Variants in DLC1 observed in about 807,000 individuals in gnomAD.
The protein encoded by DLC1 is DLC1 Rho GTPase activating protein.
In DLC1, 54 loss-of-function variants were observed where a neutral mutation model predicts 140.3. The observed-to-expected ratio is 0.38, with a 90% CI of 0.31 to 0.48. The LOEUF is 0.48. DLC1 is among the 20% of genes least tolerant of loss of function. DLC1 has a pLI of 0.96. For missense variants in DLC1, 2,536 were observed against 1,907.0 expected, an observed-to-expected ratio of 1.33 and a Z score of -6.14; for synonymous variants, 986 against 728.1, an observed-to-expected ratio of 1.35 and a Z score of -5.70.
chr8:13,171,959 G>T (rs759590038), intron 5 of DLC1, among the ~76,000 whole-genome samples: 12 of 152,090 alleles, frequency 7.9e-5, no homozygotes, highest in Non-Finnish European at 1.3e-4. Flanking sequence ...GCAGAGCAGA[G>T]CTCAGAATTA....
chr8:13,440,440 C>T (rs1055542692), intron 2 of DLC1, among the ~76,000 whole-genome samples: 3 of 152,134 alleles, frequency 2.0e-5, no homozygotes, highest in Non-Finnish European at 2.9e-5. Context: ...TCCCAGCTCT[C>T]CTTTATTAGC....
chr8:13,379,718 T>A (rs976084628), intron 4 of DLC1, among the ~76,000 whole-genome samples: 17 of 152,326 alleles, frequency 1.1e-4, no homozygotes, highest in African/African-American at 4.1e-4. Context: ...AAATGTGCCA[T>A]GGTGGTTTTC....
rs1454934936 is a variant in DLC1 at position 13,579,359 on chromosome 8, A to ATTTT, written c.-126+25177_-126+25178insAAAA. ...TATATATATATATATATATATATAT[A>ATTTT]TATTTTTATATAATACATATTTATA... On this transcript the variant is annotated intron_variant, in intron 1 of 1. Transcript: ENST00000631382. Among the ~76,000 whole-genome samples the ATTTT allele has an allele frequency of 2.2e-4, 6 of 27,180 alleles. 2 individuals carry two copies. Among genetic ancestry groups the ATTTT allele is most frequent in the African/African-American group, 5.5e-4 (3 of 5,440 alleles). 17.8% of individuals were successfully genotyped at this position (27,180 alleles called of 152,430 possible).
chr8:13,329,840 T>C (rs962648310), intron 4 of DLC1, among the ~76,000 whole-genome samples: 6 of 152,164 alleles, frequency 3.9e-5, no homozygotes. Flanking sequence ...AACTTTCATG[T>C]AGTAAGTAAT....
intron 5 of DLC1, among the ~76,000 whole-genome samples, chr8:13,152,561 T>A (rs1257670993): frequency 6.6e-6 from 1 of 152,128 alleles, no homozygotes; most frequent in Non-Finnish European, 1.5e-5. Context: ...TATAAGTTTT[T>A]AAAAATGAAT....
At chr8:13,474,801 A>G (rs1800369376) in intron 2 of DLC1, among the ~76,000 whole-genome samples, 1 of 152,144 alleles carries the variant, frequency 6.6e-6, no homozygotes, top group Non-Finnish European at 1.5e-5. Flanking sequence ...GTTTTGGCCA[A>G]TTTCTCCCAT....
intron 5 of DLC1, among the ~76,000 whole-genome samples, chr8:13,168,661 G>C (rs1825259279): frequency 6.6e-6 from 1 of 152,226 alleles, no homozygotes; most frequent in South Asian, 2.1e-4. Flanking sequence ...GTCCAGATAA[G>C]GCTCCTTTTG....
chr8:13,212,344 T>C (rs1187644933), intron 5 of DLC1, among the ~76,000 whole-genome samples: 1 of 151,904 alleles, frequency 6.6e-6, no homozygotes. Flanking sequence ...GGCACACTGC[T>C]TTTGTTTTGT....
chr8:13,332,643 G>A (rs1206549639), intron 4 of DLC1, among the ~76,000 whole-genome samples: 5 of 151,826 alleles, frequency 3.3e-5, no homozygotes, highest in African/African-American at 9.7e-5. Flanking sequence ...GGCCTGGCTT[G>A]GCTGATCTCG....
intron 2 of DLC1, among the ~76,000 whole-genome samples, chr8:13,490,535 C>T (rs1326010687): frequency 6.6e-6 from 1 of 152,100 alleles, no homozygotes; most frequent in Non-Finnish European, 1.5e-5. Flanking sequence ...AGGCAGGACT[C>T]TGTTACATAG....
At chr8:13,312,386 A>AAAAAAAAAAAATAATAATAAT (rs71207139) in intron 4 of DLC1, among the ~76,000 whole-genome samples, 4 of 81,704 alleles carry the variant, frequency 4.9e-5, no homozygotes, top group African/African-American at 1.3e-4. Context: ...AAAAAAAAAA[A>AAAAAAAAAAAATAATAATAAT]AATAATTTCT....
rs953932190 is a variant in DLC1 at position 13,157,445 on chromosome 8, G to T, written c.1349-41788C>A. On this transcript the variant is annotated intron_variant, in intron 5 of 17. Transcript: ENST00000276297. ...ATGCATAGCTTCAGAGGGGACAATTGGAATAAGCAGGTGAGGAACAAAAAA... is the reference window on the plus strand; with the variant it reads ...ATGCATAGCTTCAGAGGGGACAATTTGAATAAGCAGGTGAGGAACAAAAAA... Among the ~76,000 whole-genome samples, 3 of 151,152 alleles carry T rather than the reference G, an allele frequency of 2.0e-5. No homozygotes were observed. In the South Asian group the frequency reaches 6.2e-4, roughly 31 times the overall value.
At chr8:13,572,026 A>C (rs1055164876) in intron 1 of DLC1, among the ~76,000 whole-genome samples, 2 of 151,988 alleles carry the variant, frequency 1.3e-5, no homozygotes, top group Non-Finnish European at 2.9e-5. Context: ...TGTCTATTCA[A>C]ATCCTCTGCC....
intron 5 of DLC1, among the ~76,000 whole-genome samples, chr8:13,210,678 C>T (rs560509822): frequency 2.6e-4 from 40 of 152,126 alleles, no homozygotes; most frequent in African/African-American, 5.3e-4. Flanking sequence ...TGGTCCTCAT[C>T]GGTTATTTGG....
intron 1 of DLC1, among the ~76,000 whole-genome samples, chr8:13,505,263 G>A (rs1347913700): frequency 6.6e-6 from 1 of 152,070 alleles, no homozygotes; most frequent in African/African-American, 2.4e-5. Context: ...ATTCTGTGAG[G>A]AGTGAGATTA....
At position 13,099,988 on chromosome 8, in the gene DLC1, A is replaced by C. The variant is rs376194381; in HGVS notation, c.2349T>G (p.Asn783Lys). 54 of 1,612,418 alleles carry C rather than the reference A, an allele frequency of 3.3e-5. No individual in the cohort carries two copies. Among genetic ancestry groups the C allele is most frequent in the Non-Finnish European group, 4.4e-5 (52 of 1,180,032 alleles). The change falls in exon 9 of 18, where the codon AAT becomes AAG. Residue 783 changes from asparagine (N) to lysine (K), a missense_variant. Physicochemically the swap from Asn to Lys is moderately conservative, Grantham distance 94. Coordinates refer to ENST00000276297, the MANE Select transcript of DLC1 (RefSeq NM_182643.3). ...GMYLEGFDPF[N>K]QSTFNNVVEQ... is the part of the protein sequence containing the mutation. ...CCACCACGTTGTTAAATGTTGACTG[A>C]TTGAAAGGATCGAAGCCCTCTAAGT...
chr8:13,259,935 G>T (rs1830410865), intron 5 of DLC1, among the ~76,000 whole-genome samples: 1 of 152,096 alleles, frequency 6.6e-6, no homozygotes, highest in African/African-American at 2.4e-5. Context: ...TAAGACTTCA[G>T]ATGAAATGGA....
chr8:13,269,109 G>A (rs774136833), intron 5 of DLC1, among the ~76,000 whole-genome samples: 4 of 151,896 alleles, frequency 2.6e-5, no homozygotes, highest in Admixed American at 1.3e-4. Context: ...TCCTGACCTC[G>A]TGATCTGCCC....
intron 4 of DLC1, among the ~76,000 whole-genome samples, chr8:13,374,303 CT>C (rs201527897): frequency 9.4e-6 from 1 of 106,382 alleles, no homozygotes; most frequent in Non-Finnish European, 1.9e-5. Flanking sequence ...ATCTCAAATT[CT>C]TTTTTTTTAA....
Sources: allele counts gnomAD v4.1 joint callset (sites outside exome capture counted in the v4.1 genomes callset), GRCh38; gene constraint gnomAD v4.1.1; transcripts MANE v1.5; gene names NCBI Gene and HGNC (gene_info 2026-07-23, HGNC 2026-07-21).